Variants in CADPS observed in about 807,000 individuals in gnomAD.
CADPS encodes the protein calcium dependent secretion activator.
A neutral mutation model predicts 167.3 loss-of-function variants in CADPS; 57 were observed. The ratio of observed to expected loss-of-function variants is 0.34; its 90% CI spans 0.28 to 0.42. The LOEUF (loss-of-function observed/expected upper bound fraction) is 0.42. Among genes scored for constraint, CADPS ranks in the 20% least tolerant of loss-of-function variants. CADPS has a pLI of 1.00. For missense variants in CADPS, 1,414 were observed against 1,738.1 expected, an observed-to-expected ratio of 0.81 and a Z score of 3.32; for synonymous variants, 676 against 635.3, an observed-to-expected ratio of 1.06 and a Z score of -0.96.
chr3:62,794,768 C>T (rs557037048), intron 1 of CADPS, among the ~76,000 whole-genome samples: 153 of 99,792 alleles, frequency 1.5e-3, no homozygotes, highest in Non-Finnish European at 2.0e-3. Context: ...ACAAGACAGA[C>T]GCAAGGTGGT....
intron 1 of CADPS, among the ~76,000 whole-genome samples, chr3:62,840,796 T>C (rs2076546806): frequency 1.3e-5 from 2 of 152,194 alleles, no homozygotes; most frequent in Non-Finnish European, 2.9e-5. Context: ...TCAAAAATCA[T>C]AATTAAGCAC....
chr3:62,858,477 G>A (rs868855687), intron 1 of CADPS, among the ~76,000 whole-genome samples: 10 of 152,118 alleles, frequency 6.6e-5, no homozygotes, highest in African/African-American at 2.4e-4. Context: ...GTATAGTGCT[G>A]TGTGTTGATG....
chr3:62,577,006 T>A (rs1311566016), intron 8 of CADPS, among the ~76,000 whole-genome samples: 2 of 151,802 alleles, frequency 1.3e-5, no homozygotes, highest in Non-Finnish European at 2.9e-5. Flanking sequence ...ACTGGGGACG[T>A]TTTAGTTATA....
chr3:62,447,316 C>T (rs1385422165), intron 26 of CADPS, among the ~76,000 whole-genome samples: 2 of 152,174 alleles, frequency 1.3e-5, no homozygotes, highest in African/African-American at 2.4e-5. Context: ...AGGTAATTAT[C>T]GAGAGGGCAA....
chr3:62,597,772 A>T (rs768370697), intron 6 of CADPS, among the ~76,000 whole-genome samples: 1 of 152,152 alleles, frequency 6.6e-6, no homozygotes, highest in Non-Finnish European at 1.5e-5. Context: ...CCAGGCCTGC[A>T]GCTGTGCTTC....
chr3:62,740,305 T>G (rs572089046), intron 3 of CADPS, among the ~76,000 whole-genome samples: 7 of 152,328 alleles, frequency 4.6e-5, no homozygotes, highest in African/African-American at 1.7e-4. Flanking sequence ...TCTCAAGACC[T>G]CTGCTCATTT....
intron 1 of CADPS, among the ~76,000 whole-genome samples, chr3:62,792,373 T>G (rs2093026087): frequency 6.6e-6 from 1 of 151,802 alleles, no homozygotes; most frequent in Non-Finnish European, 1.5e-5. Context: ...CTGGCTAATT[T>G]TTAAATTATT....
chr3:62,769,226 C>CTTTTT (rs34651999), intron 1 of CADPS, among the ~76,000 whole-genome samples: 2 of 146,666 alleles, frequency 1.4e-5, no homozygotes, highest in Non-Finnish European at 1.5e-5. Flanking sequence ...TAATTCTCAT[C>CTTTTT]TTTTTTTTTT....
chr3:62,720,906 C>T (rs546466982), intron 3 of CADPS, among the ~76,000 whole-genome samples: 22 of 151,360 alleles, frequency 1.5e-4, no homozygotes, highest in African/African-American at 5.1e-4. Flanking sequence ...CAAGCTCCGC[C>T]TCCCAGGTTC....
At chr3:62,790,819 T>C (rs900697583) in intron 1 of CADPS, among the ~76,000 whole-genome samples, 20 of 152,186 alleles carry the variant, frequency 1.3e-4, no homozygotes, top group African/African-American at 4.6e-4. Context: ...AAAAGTCACA[T>C]TGTGATTCAA....
chr3:62,697,888 A>G (rs929692324), intron 3 of CADPS, among the ~76,000 whole-genome samples: 1 of 151,978 alleles, frequency 6.6e-6, no homozygotes, highest in African/African-American at 2.4e-5. Context: ...TTTGTTGGCC[A>G]TTTGTATATC....
intron 24 of CADPS, among the ~76,000 whole-genome samples, chr3:62,471,713 C>A (rs1401987523): frequency 6.6e-6 from 1 of 152,084 alleles, no homozygotes; most frequent in Non-Finnish European, 1.5e-5. Flanking sequence ...GGCCTAGCAC[C>A]ATCCTTAGAA....
intron 13 of CADPS, 57 bp downstream of exon 13, chr3:62,532,814 A>G: frequency 1.3e-6 from 2 of 1,533,660 alleles, no homozygotes; most frequent in Non-Finnish European, 1.8e-6. Flanking sequence ...CTAGCCATAA[A>G]CCATTGCCAG....
At chr3:62,607,588 G>T (rs2060865062) in intron 6 of CADPS, among the ~76,000 whole-genome samples, 1 of 152,212 alleles carries the variant, frequency 6.6e-6, no homozygotes, top group Non-Finnish European at 1.5e-5. Context: ...AGCGCTTAGG[G>T]GTGCTCAGGG....
At chr3:62,493,588 C>G (rs2064119117) in intron 19 of CADPS, 57 bp downstream of exon 19, 1 of 1,379,166 alleles carries the variant, frequency 7.3e-7, no homozygotes. Context: ...CTAACAGCCA[C>G]TAGGAGGCAG....
chr3:62,477,138 T>C (rs905907942), intron 23 of CADPS, among the ~76,000 whole-genome samples: 12 of 152,196 alleles, frequency 7.9e-5, no homozygotes, highest in Admixed American at 7.9e-4. Context: ...ATTGTTCTTT[T>C]GCTTCTTTGC....
intron 6 of CADPS, among the ~76,000 whole-genome samples, chr3:62,614,447 A>G (rs972143785): frequency 2.0e-5 from 3 of 152,218 alleles, no homozygotes; most frequent in Non-Finnish European, 4.4e-5. Context: ...TTCTGAAGGC[A>G]GAGAGGCAAG....
intron 3 of CADPS, among the ~76,000 whole-genome samples, chr3:62,678,698 C>A (rs1370974979): frequency 1.3e-5 from 2 of 152,138 alleles, no homozygotes; most frequent in Non-Finnish European, 2.9e-5. Context: ...CCTATTATTA[C>A]ATACAAGTTT....
intron 1 of CADPS, among the ~76,000 whole-genome samples, chr3:62,811,992 A>G (rs994515845): frequency 1.3e-5 from 2 of 152,180 alleles, no homozygotes; most frequent in African/African-American, 4.8e-5. Flanking sequence ...AAGACTAAAT[A>G]ATATGTTTAT....
Sources: allele counts gnomAD v4.1 joint callset (sites outside exome capture counted in the v4.1 genomes callset), GRCh38; gene constraint gnomAD v4.1.1; transcripts MANE v1.5; gene names NCBI Gene and HGNC (gene_info 2026-07-23, HGNC 2026-07-21).